Variants in RNLS observed in about 807,000 individuals in gnomAD.
RNLS encodes renalase.
A neutral mutation model predicts 39.8 loss-of-function variants in RNLS; 39 were observed. The observed-to-expected ratio is 0.98, with a 90% CI of 0.76 to 1.28. The LOEUF (loss-of-function observed/expected upper bound fraction) is 1.28, where lower values mean the gene tolerates loss of function less well. Among genes scored for constraint, RNLS ranks in the 50% most tolerant of loss-of-function variants. The pLI, the probability that RNLS is intolerant of heterozygous loss-of-function variation, is 0.00. For synonymous variants in RNLS, 147 were observed against 150.7 expected, an observed-to-expected ratio of 0.98 and a Z score of 0.18; for missense variants, 410 against 413.3, an observed-to-expected ratio of 0.99 and a Z score of 0.07.
intron 5 of RNLS, among the ~76,000 whole-genome samples, chr10:88,337,838 G>A (rs1261347286): frequency 1.3e-5 from 2 of 152,080 alleles, no homozygotes; most frequent in East Asian, 3.8e-4. Context: ...GAAGCCTTTA[G>A]TACTGTGTCT....
chr10:88,291,986 G>A (rs1259118060), intron 6 of RNLS, among the ~76,000 whole-genome samples: 1 of 151,952 alleles, frequency 6.6e-6, no homozygotes, highest in Non-Finnish European at 1.5e-5. Context: ...AAAATATCAG[G>A]GCTTGTGGAA....
chr10:88,444,016 C>G (rs1841889684), intron 4 of RNLS, among the ~76,000 whole-genome samples: 1 of 152,246 alleles, frequency 6.6e-6, no homozygotes, highest in East Asian at 1.9e-4. Context: ...AACGGACAGA[C>G]TGCCTCCTCA....
the RNLS span, among the ~76,000 whole-genome samples, chr10:88,197,134 T>A: frequency 2.0e-4 from 31 of 152,342 alleles, no homozygotes; most frequent in African/African-American, 6.3e-4. Context: ...ACTTAATAGC[T>A]ATGTAACTTT....
At chr10:88,451,148 C>G (rs1842337215) in intron 4 of RNLS, among the ~76,000 whole-genome samples, 1 of 152,154 alleles carries the variant, frequency 6.6e-6, no homozygotes, top group South Asian at 2.1e-4. Context: ...AGGACTTAAG[C>G]AGTCTGAGTG....
At chr10:88,486,268 T>TGGAAGACAACATA (rs1844511388) in intron 4 of RNLS, among the ~76,000 whole-genome samples, 1 of 151,978 alleles carries the variant, frequency 6.6e-6, no homozygotes, top group Non-Finnish European at 1.5e-5. Flanking sequence ...AATAAAAACC[T>TGGAAGACAACATA]GGAAGACAAC....
At chr10:88,269,995 G>C (rs1842606816), downstream of RNLS, among the ~76,000 whole-genome samples, 1 of 152,142 alleles carries the variant, frequency 6.6e-6, no homozygotes, top group South Asian at 2.1e-4. Flanking sequence ...CTCCAGGCGT[G>C]CGTGACCACG....
intron 6 of RNLS, among the ~76,000 whole-genome samples, chr10:88,295,585 C>T (rs992896028): frequency 1.6e-4 from 24 of 152,242 alleles, no homozygotes; most frequent in African/African-American, 5.1e-4. Flanking sequence ...TCTGGTACTA[C>T]AGAGAGCTGC....
chr10:88,432,633 C>T (rs1201435806), intron 4 of RNLS, among the ~76,000 whole-genome samples: 1 of 151,682 alleles, frequency 6.6e-6, no homozygotes, highest in African/African-American at 2.4e-5. Flanking sequence ...AGCTATAGCT[C>T]TTGGTTTTGT....
At chr10:88,252,247 G>A in the RNLS span, among the ~76,000 whole-genome samples, 1 of 152,128 alleles carries the variant, frequency 6.6e-6, no homozygotes, top group African/African-American at 2.4e-5. Flanking sequence ...TGCACAGTAG[G>A]TACTGTATGC....
At chr10:88,218,866 C>T in the RNLS span, among the ~76,000 whole-genome samples, 1 of 152,184 alleles carries the variant, frequency 6.6e-6, no homozygotes, top group African/African-American at 2.4e-5. Flanking sequence ...ATACTCTCCT[C>T]ATGCTTCCCT....
At chr10:88,456,224 C>A (rs1458763571) in intron 4 of RNLS, among the ~76,000 whole-genome samples, 1 of 152,098 alleles carries the variant, frequency 6.6e-6, no homozygotes, top group Non-Finnish European at 1.5e-5. Flanking sequence ...AATAAACACC[C>A]AAAGCTTTAG....
chr10:88,520,958 A>G (rs1459852376), intron 4 of RNLS, among the ~76,000 whole-genome samples: 1 of 151,970 alleles, frequency 6.6e-6, no homozygotes, highest in African/African-American at 2.4e-5. Context: ...CTCATGGGAT[A>G]TCATTTCCTG....
intron 5 of RNLS, among the ~76,000 whole-genome samples, chr10:88,357,152 C>T (rs976892944): frequency 1.3e-5 from 2 of 152,132 alleles, no homozygotes; most frequent in African/African-American, 4.8e-5. Context: ...TTTCTAAATG[C>T]CACACAAAGT....
the RNLS span, among the ~76,000 whole-genome samples, chr10:88,220,608 T>C: frequency 6.6e-6 from 1 of 152,228 alleles, no homozygotes; most frequent in African/African-American, 2.4e-5. Flanking sequence ...TAAATATTTA[T>C]TTAATGCTGG....
At chr10:88,554,612 A>G (rs1848761322) in intron 4 of RNLS, among the ~76,000 whole-genome samples, 1 of 151,830 alleles carries the variant, frequency 6.6e-6, no homozygotes, top group South Asian at 2.1e-4. Context: ...GGGAAAACAA[A>G]TCAAGCAGAA....
chr10:88,570,622 T>A (rs2134434839), intron 4 of RNLS, among the ~76,000 whole-genome samples: 1 of 152,368 alleles, frequency 6.6e-6, no homozygotes, highest in South Asian at 2.1e-4. Flanking sequence ...GATGCTGCAA[T>A]TCCCTAGCCA....
chr10:88,553,288 A>G (rs1301089883), intron 4 of RNLS, among the ~76,000 whole-genome samples: 2 of 152,238 alleles, frequency 1.3e-5, no homozygotes, highest in Non-Finnish European at 2.9e-5. Flanking sequence ...ATTTGCAATC[A>G]TCACAGAGAA....
intron 6 of RNLS, among the ~76,000 whole-genome samples, chr10:88,279,080 G>T (rs1385687491): frequency 6.6e-6 from 1 of 152,134 alleles, no homozygotes; most frequent in Non-Finnish European, 1.5e-5. Flanking sequence ...TAGATCGGCT[G>T]GGGGAGAACA....
At chr10:88,566,562 C>T (rs192225425) in intron 4 of RNLS, among the ~76,000 whole-genome samples, 39 of 152,106 alleles carry the variant, frequency 2.6e-4, no homozygotes, top group African/African-American at 8.7e-4. Context: ...AACAAACACT[C>T]GGGCATTAGT....
Sources: gnomAD v4.1 joint callset for allele counts (sites outside exome capture counted in the v4.1 genomes callset) on GRCh38, gnomAD v4.1.1 for gene constraint, MANE v1.5 for transcripts, NCBI Gene and HGNC (gene_info 2026-07-23, HGNC 2026-07-21) for gene names.